Variants in EPHA7 observed in about 807,000 individuals in gnomAD.
EPHA7 encodes EPH receptor A7.
EPHA7 carries 25 observed loss-of-function variants against 112.6 expected under a neutral mutation model. The ratio of observed to expected loss-of-function variants is 0.22; its 90% CI spans 0.16 to 0.31. EPHA7 has a LOEUF of 0.31. EPHA7 is among the 10% of genes least tolerant of loss of function. The pLI is 1.00. For synonymous variants in EPHA7, 437 were observed against 406.5 expected, an observed-to-expected ratio of 1.07 and a Z score of -0.90; for missense variants, 962 against 1,212.6, an observed-to-expected ratio of 0.79 and a Z score of 3.07.
rs192752488 is a variant in EPHA7, at chr6:93,374,565, T to C, written c.833-16154A>G. Among the ~76,000 whole-genome samples, 9 of 152,232 alleles carry C rather than the reference T, an allele frequency of 5.9e-5. No homozygotes were observed. The South Asian group carries it at 8.3e-4, about 14-fold the overall frequency. On this transcript the variant is annotated intron_variant, in intron 3 of 16. Coordinates refer to ENST00000369303, the MANE Select transcript of EPHA7 (RefSeq NM_004440.4). ...TATGTTGTGGTTTTATGTATATTTATAGTCATTGTAATTTTATTTGCCAAA... is the reference window on the plus strand; with the variant it reads ...TATGTTGTGGTTTTATGTATATTTACAGTCATTGTAATTTTATTTGCCAAA...
At chr6:93,333,303 T>C (rs1004731710) in intron 5 of EPHA7, among the ~76,000 whole-genome samples, 1 of 151,904 alleles carries the variant, frequency 6.6e-6, no homozygotes, top group African/African-American at 2.4e-5. Flanking sequence ...GTCATTTAGG[T>C]TGATTCCATG....
intron 2 of EPHA7, 63 bp downstream of exon 2, chr6:93,414,640 G>T: frequency 8.0e-7 from 1 of 1,254,638 alleles, no homozygotes; most frequent in Non-Finnish European, 1.2e-6. Context: ...TTACCCTGGA[G>T]GGAAGGGAAA....
At chr6:93,260,788 GA>G (rs1253772771) in intron 9 of EPHA7, 377 of 885,336 alleles carry the variant, frequency 4.3e-4, no homozygotes, top group East Asian at 6.2e-4. Context: ...AGCTGAAGAT[GA>G]AAAAAAAAAC....
intron 3 of EPHA7, among the ~76,000 whole-genome samples, chr6:93,395,082 T>C (rs1778102372): frequency 6.6e-6 from 1 of 151,830 alleles, no homozygotes; most frequent in Non-Finnish European, 1.5e-5. Flanking sequence ...ATGCATAATA[T>C]GCAATTTAAA....
intron 3 of EPHA7, among the ~76,000 whole-genome samples, chr6:93,375,643 A>AG (rs1777021999): frequency 6.6e-6 from 1 of 151,712 alleles, no homozygotes; most frequent in Admixed American, 6.6e-5. Context: ...AAAAAAAAAA[A>AG]CAAACTCCTA....
intron 5 of EPHA7, among the ~76,000 whole-genome samples, chr6:93,304,801 C>T (rs1241462242): frequency 6.6e-6 from 1 of 152,010 alleles, no homozygotes; most frequent in Non-Finnish European, 1.5e-5. Flanking sequence ...GGTTTCCTTA[C>T]CATTACCAGA....
chr6:93,305,954 C>T (rs1378184618), intron 5 of EPHA7, among the ~76,000 whole-genome samples: 6 of 151,776 alleles, frequency 4.0e-5, no homozygotes, highest in Non-Finnish European at 7.4e-5. Flanking sequence ...ATAAATCAGT[C>T]TATACAATGG....
At chr6:93,387,251 CA>C (rs1306892959) in intron 3 of EPHA7, among the ~76,000 whole-genome samples, 1 of 152,102 alleles carries the variant, frequency 6.6e-6, no homozygotes, top group African/African-American at 2.4e-5. Flanking sequence ...ATCTCTAGGG[CA>C]GGAGCAAAAT....
rs1329911899 is a variant in EPHA7 at position 93,410,748 on chromosome 6, C to T, written c.585G>A (p.Leu195=). 2.5e-6 allele frequency: 4 copies of T among 1,613,950 alleles called. No individual in the cohort carries two copies. In the Admixed American group the frequency reaches 5.0e-5, roughly 20 times the overall value. Residue 195 remains leucine (L), a synonymous_variant, in exon 3 of 17, where the codon TTG becomes TTA. Transcript: ENST00000369303. The surrounding 1 kb of genome is among the most constrained non-coding windows in gnomAD (Gnocchi z 4.0). ...TCTTGTAGTACACTTTGACAGAAAC[C>T]AAAGCTATGCAAGCCCCTACATCCT... The part of the protein sequence containing the change: ...AFQDVGACIA[L]VSVKVYYKKC...
chr6:93,357,287 G>A lies in EPHA7; in HGVS notation c.989-235C>T, dbSNP rs138608695. On this transcript the variant is annotated intron_variant, in intron 4 of 16. Coordinates refer to ENST00000369303, the MANE Select transcript of EPHA7 (RefSeq NM_004440.4). ...GCTTTATTTATTTTCCTTTTAATACGTCAAAATGAAAACAGGATAACAACT... is the reference window on the plus strand; with the variant it reads ...GCTTTATTTATTTTCCTTTTAATACATCAAAATGAAAACAGGATAACAACT... 4.1e-4 allele frequency among the ~76,000 whole-genome samples: 62 copies of A among 151,978 alleles called. No homozygotes were observed. In the East Asian group the frequency reaches 9.5e-3, roughly 23 times the overall value.
Position 93,245,325 on chromosome 6 carries a change from A to G in EPHA7, c.2855T>C (p.Leu952Pro), listed in dbSNP as rs745810696. ...DNFTAAGYNS[L>P]ESVARMTIED... ...AATAGTCATCCTGGCTACTGATTCA[A>G]GGGAATTGTAGCCAGCTGCCGTGAA... Residue 952 changes from leucine to proline, a missense_variant, in exon 16 of 17, where the codon CTT (leucine) becomes CCT (proline). Physicochemically the swap from Leu to Pro is moderately conservative, Grantham distance 98. This residue lies in a region of EPHA7 where 746 missense variants were observed against 889.2 expected (regional missense o/e 0.84). Coordinates refer to ENST00000369303, the MANE Select transcript of EPHA7 (RefSeq NM_004440.4). 6.2e-7 allele frequency: 1 copy of G among 1,613,246 alleles called. No homozygotes were observed. Among genetic ancestry groups the G allele is most frequent in the South Asian group, 1.1e-5 (1 of 91,022 alleles).
At chr6:93,337,641 T>C (rs1472506664) in intron 5 of EPHA7, among the ~76,000 whole-genome samples, 1 of 151,932 alleles carries the variant, frequency 6.6e-6, no homozygotes, top group Non-Finnish European at 1.5e-5. Context: ...GAAAAGAAAA[T>C]ATTTCAATAT....
chr6:93,310,517 T>G (rs1020827097), intron 5 of EPHA7, among the ~76,000 whole-genome samples: 7 of 152,026 alleles, frequency 4.6e-5, no homozygotes, highest in Non-Finnish European at 4.4e-5. Flanking sequence ...ATACAGAAGT[T>G]AGCCGGGCGT....
At chr6:93,384,616 C>T (rs565260555) in intron 3 of EPHA7, among the ~76,000 whole-genome samples, 16 of 152,256 alleles carry the variant, frequency 1.1e-4, no homozygotes, top group African/African-American at 3.4e-4. Flanking sequence ...TTTTGTTCAT[C>T]ATGCTCACTG....
intron 14 of EPHA7, among the ~76,000 whole-genome samples, chr6:93,249,545 C>T (rs146354030): frequency 1.3e-5 from 2 of 152,052 alleles, no homozygotes; most frequent in East Asian, 1.9e-4. Flanking sequence ...GGAAAATGAG[C>T]GGCTTTTTGT....
rs138921099 is a variant in EPHA7, at chr6:93,315,459, A to T, written c.1324+41258T>A. 4.3e-3 allele frequency among the ~76,000 whole-genome samples: 649 copies of T among 152,260 alleles called. 3 individuals are homozygous for T. Among genetic ancestry groups the T allele is most frequent in the African/African-American group, 0.015 (619 of 41,558 alleles). On this transcript the variant is annotated intron_variant, in intron 5 of 16. Transcript: ENST00000369303. ...GTCCTAAATCATGCAAATCTATGAC[A>T]AATTTCAAAAGAAAATACTTAATAT...
intron 2 of EPHA7, among the ~76,000 whole-genome samples, chr6:93,412,952 T>C (rs1457125844): frequency 6.6e-6 from 1 of 151,980 alleles, no homozygotes; most frequent in East Asian, 1.9e-4. Flanking sequence ...TATTTAAAAT[T>C]TTATTCCAGA....
chr6:93,270,442 A>G (rs1582421511), intron 6 of EPHA7, among the ~76,000 whole-genome samples: 1 of 151,526 alleles, frequency 6.6e-6, no homozygotes, highest in Admixed American at 6.6e-5. Flanking sequence ...TCAAGCATAT[A>G]AAAACTCCAT....
At chr6:93,292,343 A>T (rs905469402) in intron 5 of EPHA7, among the ~76,000 whole-genome samples, 1 of 152,184 alleles carries the variant, frequency 6.6e-6, no homozygotes, top group African/African-American at 2.4e-5. Flanking sequence ...TCTACTTTCA[A>T]TGCTACCTAA....
Sources: allele counts gnomAD v4.1 joint callset (sites outside exome capture counted in the v4.1 genomes callset), GRCh38; gene constraint gnomAD v4.1.1; regional missense constraint gnomAD v4.1.1; non-coding constraint Gnocchi (gnomAD v3.1); transcripts MANE v1.5; gene names NCBI Gene and HGNC (gene_info 2026-07-23, HGNC 2026-07-21).